TTC39B: variants seen among roughly 807,000 people sequenced by gnomAD.
TTC39B encodes tetratricopeptide repeat domain 39B.
In TTC39B, 92 loss-of-function variants were observed where a neutral mutation model predicts 96.6. That is an observed-to-expected ratio of 0.95 (90% CI 0.80 to 1.13). The LOEUF (loss-of-function observed/expected upper bound fraction) is 1.13. TTC39B is among the 50% of genes most tolerant of loss of function. The pLI, the probability that TTC39B is intolerant of heterozygous loss-of-function variation, is 0.00. For synonymous variants in TTC39B, 367 were observed against 299.4 expected (o/e 1.23, Z -2.33); for missense variants, 955 against 809.3 (o/e 1.18, Z -2.18).
chr9:15,172,073 T>A (rs775148961), exon 20 of TTC39B: 1 of 1,612,802 alleles, frequency 6.2e-7, no homozygotes, highest in Non-Finnish European at 8.5e-7. Context: ...TTCTGAAGTG[T>A]AGTCTGGACT....
chr9:15,306,984 G>C lies in TTC39B; in HGVS notation c.240+100C>G. Reference sequence around the variant, plus strand: ...CAGCCCACCCCAGAGAGGGGACCAAGGGGGCGGGGCCTCGGCCGTCCTAGC... The same window carrying C: ...CAGCCCACCCCAGAGAGGGGACCAACGGGGCGGGGCCTCGGCCGTCCTAGC... On this transcript the variant is annotated intron_variant, in intron 1 of 19. Transcript: ENST00000512701. The surrounding 1 kb of genome is among the most constrained non-coding windows in gnomAD (Gnocchi z 5.1). 5 of 1,519,974 alleles carry C rather than the reference G, an allele frequency of 3.3e-6. No individual in the cohort carries two copies. Among genetic ancestry groups the C allele is most frequent in the Non-Finnish European group, 3.5e-6 (4 of 1,129,402 alleles). The allele number at this position is 1,519,974 out of a possible 1,614,324, so 94.2% of individuals were successfully genotyped here. A position where few individuals can be genotyped will look rare whatever the true frequency, so the allele number is the denominator to read the frequency against.
At chr9:15,276,402 C>T (rs1823545628) in intron 1 of TTC39B, among the ~76,000 whole-genome samples, 1 of 152,156 alleles carries the variant, frequency 6.6e-6, no homozygotes, top group African/African-American at 2.4e-5. Flanking sequence ...ATAGCACCCA[C>T]CCTAGGAAGC....
chr9:15,275,619 C>G (rs1192369641), intron 1 of TTC39B, among the ~76,000 whole-genome samples: 2 of 152,006 alleles, frequency 1.3e-5, no homozygotes, highest in African/African-American at 2.4e-5. Context: ...GATGAAACCA[C>G]CAGGTAAAGG....
intron 9 of TTC39B, 111 bp from the exon 10 acceptor site, chr9:15,191,366 C>A: frequency 1.5e-6 from 1 of 669,662 alleles, no homozygotes; most frequent in Non-Finnish European, 2.5e-6. Context: ...AAATTGGGAA[C>A]AAGTTTTAAC....
intron 1 of TTC39B, among the ~76,000 whole-genome samples, chr9:15,295,362 T>G (rs1003357786): frequency 2.0e-5 from 3 of 152,204 alleles, no homozygotes; most frequent in Non-Finnish European, 4.4e-5. Flanking sequence ...CAGGCTGCAT[T>G]TAACCTCTTA....
At chr9:15,200,012 A>T in intron 7 of TTC39B, 87 bp from the exon 8 acceptor site, 1 of 639,996 alleles carries the variant, frequency 1.6e-6, no homozygotes, top group Non-Finnish European at 2.6e-6. Flanking sequence ...GATTAGAAAA[A>T]CAAAAACAAA....
intron 17 of TTC39B, 35 bp from the exon 18 acceptor site, chr9:15,177,849 A>C (rs2118533010): frequency 7.7e-7 from 1 of 1,303,874 alleles, no homozygotes; most frequent in East Asian, 2.4e-5. Context: ...AAACACACAA[A>C]GAAAAATACT....
chr9:15,212,763 A>C (rs1348277822), intron 4 of TTC39B, among the ~76,000 whole-genome samples: 1 of 152,232 alleles, frequency 6.6e-6, no homozygotes, highest in Non-Finnish European at 1.5e-5. Flanking sequence ...CTGACTGAAC[A>C]CAACACTAAA....
chr9:15,267,038 C>T (rs1823160687), intron 2 of TTC39B, among the ~76,000 whole-genome samples: 1 of 152,148 alleles, frequency 6.6e-6, no homozygotes, highest in African/African-American at 2.4e-5. Flanking sequence ...GAGATCGTGC[C>T]ACTGCACTCC....
exon 20 of TTC39B, chr9:15,168,057 C>G (rs747588282): frequency 2.0e-5 from 3 of 152,166 alleles, no homozygotes; most frequent in Non-Finnish European, 4.4e-5. Flanking sequence ...ATCAGGTGAT[C>G]ATAGTAGACA....
At chr9:15,294,806 A>G (rs1385458649) in intron 1 of TTC39B, among the ~76,000 whole-genome samples, 1 of 152,244 alleles carries the variant, frequency 6.6e-6, no homozygotes, top group Non-Finnish European at 1.5e-5. Flanking sequence ...GAGCAGCCAC[A>G]GAGTGCAGCC....
At position 15,189,720 on chromosome 9, in the gene TTC39B, C is replaced by G. The variant is rs1420011780; in HGVS notation, c.1173+5G>C. 6.2e-7 allele frequency: 1 copy of G among 1,613,968 alleles called. No individual in the cohort carries two copies. The highest frequency in any genetic ancestry group is 1.3e-5 in the African/African-American group (1 of 75,024). ...GAAACATACACTTTGAAATACTGAG[C>G]GTACATTTGGAAACTGCTGGAGGAA... On this transcript the variant is annotated splice_donor_5th_base_variant and intron_variant, in intron 12 of 19. Coordinates refer to ENST00000512701, the Ensembl canonical transcript of TTC39B.
At chr9:15,232,533 A>C (rs1395191792) in intron 2 of TTC39B, 1 of 152,242 alleles carries the variant, frequency 6.6e-6, no homozygotes, top group Non-Finnish European at 1.5e-5. Flanking sequence ...AACCAAATAA[A>C]AACTCAGAAA....
At chr9:15,219,006 C>A (rs1820689902) in intron 3 of TTC39B, among the ~76,000 whole-genome samples, 1 of 152,116 alleles carries the variant, frequency 6.6e-6, no homozygotes, top group African/African-American at 2.4e-5. Context: ...ACTTTTTTCT[C>A]CTCTTTCCAA....
intron 1 of TTC39B, among the ~76,000 whole-genome samples, chr9:15,276,725 T>C (rs530719990): frequency 6.6e-6 from 1 of 152,374 alleles, no homozygotes; most frequent in East Asian, 1.9e-4. Context: ...GACTGAATCC[T>C]GGCTCCACCT....
At chr9:15,283,444 G>A (rs148244005) in intron 1 of TTC39B, among the ~76,000 whole-genome samples, 1 of 152,138 alleles carries the variant, frequency 6.6e-6, no homozygotes, top group Non-Finnish European at 1.5e-5. Context: ...TGTAAAACAG[G>A]TGCAATTATC....
intron 1 of TTC39B, among the ~76,000 whole-genome samples, chr9:15,283,212 T>C (rs1387169812): frequency 6.6e-6 from 1 of 152,200 alleles, no homozygotes; most frequent in Non-Finnish European, 1.5e-5. Flanking sequence ...ATGTATCAAG[T>C]GGAATATCAC....
At chr9:15,218,855 G>T (rs1258679536) in intron 3 of TTC39B, among the ~76,000 whole-genome samples, 1 of 151,986 alleles carries the variant, frequency 6.6e-6, no homozygotes, top group Non-Finnish European at 1.5e-5. Flanking sequence ...ACAATATATT[G>T]GTTCCACTGA....
At chr9:15,280,823 C>T (rs936331965) in intron 1 of TTC39B, among the ~76,000 whole-genome samples, 6 of 152,144 alleles carry the variant, frequency 3.9e-5, no homozygotes, top group Admixed American at 6.5e-5. Context: ...GTAAAGAATG[C>T]GAATGCTTGC....
Sources: allele counts gnomAD v4.1 joint callset (sites outside exome capture counted in the v4.1 genomes callset), GRCh38; gene constraint gnomAD v4.1.1; non-coding constraint Gnocchi (gnomAD v3.1); transcripts MANE v1.5; gene names NCBI Gene and HGNC (gene_info 2026-07-23, HGNC 2026-07-21).